The following CWC27 variants were observed in gnomAD, a reference collection of about 807,000 sequenced individuals.
The protein encoded by CWC27 is CWC27 spliceosome associated cyclophilin.
In CWC27, 47 loss-of-function variants were observed where a neutral mutation model predicts 63.6. The ratio of observed to expected loss-of-function variants is 0.74; its 90% confidence interval spans 0.58 to 0.94. The LOEUF is 0.94. CWC27 is among the 40% of genes least tolerant of loss of function. The probability of loss-of-function intolerance (pLI) is 0.00; values close to 1 mark genes in which losing one functional copy is unlikely to be tolerated. For missense variants in CWC27, 495 were observed against 554.3 expected, an observed-to-expected ratio of 0.89 and a Z score of 1.07; for synonymous variants, 175 against 179.8, an observed-to-expected ratio of 0.97 and a Z score of 0.22.
intron 11 of CWC27, among the ~76,000 whole-genome samples, chr5:64,928,698 G>A (rs936034393): frequency 6.6e-6 from 1 of 152,048 alleles, no homozygotes; most frequent in Admixed American, 6.6e-5. Flanking sequence ...GAAGTGATAG[G>A]GAGGCAATGA....
intron 13 of CWC27, among the ~76,000 whole-genome samples, chr5:64,996,357 C>A (rs1297640573): frequency 3.3e-5 from 5 of 152,200 alleles, no homozygotes; most frequent in Admixed American, 3.3e-4. Flanking sequence ...GGTATTCATT[C>A]AGGTAATCAA....
intron 13 of CWC27, among the ~76,000 whole-genome samples, chr5:65,009,797 G>A (rs1303215890): frequency 6.6e-6 from 1 of 152,188 alleles, no homozygotes; most frequent in Non-Finnish European, 1.5e-5. Context: ...AAAATAAATT[G>A]CTATTGTTTA....
At chr5:64,804,494 T>A (rs1276895414) in intron 10 of CWC27, 108 bp downstream of exon 10, 1 of 1,171,930 alleles carries the variant, frequency 8.5e-7, no homozygotes, top group Non-Finnish European at 1.2e-6. Context: ...ATTTTCATAA[T>A]GTTTGATAAA....
At chr5:64,855,479 A>G (rs536341390) in intron 10 of CWC27, among the ~76,000 whole-genome samples, 3 of 152,120 alleles carry the variant, frequency 2.0e-5, no homozygotes, top group African/African-American at 7.2e-5. Context: ...CAGTTAATTT[A>G]TTGCTTCTTT....
At chr5:64,874,773 A>G (rs1300806498) in intron 10 of CWC27, among the ~76,000 whole-genome samples, 1 of 151,972 alleles carries the variant, frequency 6.6e-6, no homozygotes, top group African/African-American at 2.4e-5. Context: ...CTAGTGAGCT[A>G]AACATATGTA....
chr5:64,996,435 G>A (rs1207406642), intron 13 of CWC27, among the ~76,000 whole-genome samples: 2 of 152,084 alleles, frequency 1.3e-5, no homozygotes, highest in East Asian at 1.9e-4. Flanking sequence ...TAAGTAAAAC[G>A]TTGAGCTGAG....
At chr5:64,973,562 C>A (rs1051230282) in intron 12 of CWC27, among the ~76,000 whole-genome samples, 1 of 152,200 alleles carries the variant, frequency 6.6e-6, no homozygotes, top group East Asian at 1.9e-4. Context: ...AATCAAAATG[C>A]CTCCATGCAG....
chr5:64,866,043 A>G (rs1490383688), intron 10 of CWC27, among the ~76,000 whole-genome samples: 2 of 152,100 alleles, frequency 1.3e-5, no homozygotes, highest in Non-Finnish European at 2.9e-5. Flanking sequence ...ACAAATGTAC[A>G]TAACAGAGAT....
At position 64,789,037 on chromosome 5, in the gene CWC27, C is replaced by T. The variant is rs759294605; in HGVS notation, c.669+17C>T. 20 of 1,570,158 alleles carry T rather than the reference C, an allele frequency of 1.3e-5. No individual in the cohort carries two copies. The Admixed American group carries it at 3.5e-4, about 27-fold the overall frequency. ...GTTAGTCAGGTAATCTCTAATTTGC[C>T]CTTTGTTCTAACTTACAAAAGAGAT... On this transcript the variant is annotated intron_variant, in intron 7 of 13. Transcript: ENST00000381070.
chr5:64,801,454 AATTT>A, intron 9 of CWC27, 122 bp downstream of exon 9: 1 of 840,678 alleles, frequency 1.2e-6, no homozygotes, highest in Non-Finnish European at 1.6e-6. Flanking sequence ...ATATATGTCA[AATTT>A]TGGAAAAATA....
chr5:64,957,031 A>C (rs1429522535), intron 11 of CWC27, among the ~76,000 whole-genome samples: 1 of 152,148 alleles, frequency 6.6e-6, no homozygotes, highest in African/African-American at 2.4e-5. Context: ...TTCCTCAATC[A>C]CATAGGAAAT....
chr5:65,003,842 T>C (rs1356552455), intron 13 of CWC27, among the ~76,000 whole-genome samples: 1 of 141,972 alleles, frequency 7.0e-6, no homozygotes, highest in African/African-American at 2.5e-5. Flanking sequence ...CTATTTTTAT[T>C]TGACTTTTTT....
intron 11 of CWC27, among the ~76,000 whole-genome samples, chr5:64,926,735 G>C (rs1024030485): frequency 1.3e-5 from 2 of 150,518 alleles, no homozygotes; most frequent in African/African-American, 4.9e-5. Flanking sequence ...CAAATAAAGA[G>C]AAAAAAAAAT....
Position 64,786,539 on chromosome 5 carries a change from T to G in CWC27, c.511T>G (p.Phe171Val). 2 of 1,565,250 alleles carry G rather than the reference T, an allele frequency of 1.3e-6. No individual in the cohort carries two copies. Among genetic ancestry groups the G allele is most frequent in the Non-Finnish European group, 1.7e-6 (2 of 1,160,902 alleles). The change falls in exon 6 of 14, where the codon TTT (phenylalanine) becomes GTT (valine). Residue 171 changes from phenylalanine (F) to valine (V), a missense_variant. Physicochemically the swap from Phe to Val is conservative, Grantham distance 50. Transcript: ENST00000381070. ...TTTTTCATAGGTTTTGTTTAATCCT[T>G]TTGATGACATCATTCCAAGGGAAAT... ...IKSCEVLFNP[F>V]DDIIPREIKR...
intron 11 of CWC27, among the ~76,000 whole-genome samples, chr5:64,958,819 A>C (rs1398660465): frequency 6.6e-6 from 1 of 152,170 alleles, no homozygotes. Flanking sequence ...GCTAGGATAA[A>C]CTATAGAAGA....
chr5:64,784,789 A>G lies in CWC27; in HGVS notation c.397-692A>G, dbSNP rs74710961. 9.8e-5 allele frequency among the ~76,000 whole-genome samples: 15 copies of G among 152,380 alleles called. No homozygotes were observed. The East Asian group carries it at 2.9e-3, about 29-fold the overall frequency. Reference sequence around the variant, plus strand: ...CAATGTTGTTGGTTAATACTTATTAATAACAGTGGGTTAGGAAATATGCAT... The same window carrying G: ...CAATGTTGTTGGTTAATACTTATTAGTAACAGTGGGTTAGGAAATATGCAT... On this transcript the variant is annotated intron_variant, in intron 4 of 13. Coordinates refer to ENST00000381070, the MANE Select transcript of CWC27 (RefSeq NM_005869.4).
intron 10 of CWC27, chr5:64,804,885 A>G (rs1333882626): frequency 1.3e-5 from 2 of 151,622 alleles, no homozygotes; most frequent in Non-Finnish European, 2.9e-5. Context: ...CATAAAATAA[A>G]TTTCAGCAAA....
intron 12 of CWC27, chr5:64,972,807 T>C (rs1269230041): frequency 1.6e-5 from 6 of 381,038 alleles, no homozygotes; most frequent in Non-Finnish European, 3.1e-5. Flanking sequence ...GAACCTGCCA[T>C]GTACTAATCA....
chr5:64,892,722 G>A (rs1021452940), intron 11 of CWC27, among the ~76,000 whole-genome samples: 1 of 151,928 alleles, frequency 6.6e-6, no homozygotes, highest in African/African-American at 2.4e-5. Flanking sequence ...GATGATGGAT[G>A]TAAAGACCGT....
Sources: allele counts gnomAD v4.1 joint callset (sites outside exome capture counted in the v4.1 genomes callset), GRCh38; gene constraint gnomAD v4.1.1; transcripts MANE v1.5; gene names NCBI Gene and HGNC (gene_info 2026-07-23, HGNC 2026-07-21).